Variants in ACVR1C observed in about 807,000 individuals in gnomAD.
ACVR1C encodes the protein activin receptor type-1C.
A neutral mutation model predicts 57.9 loss-of-function variants in ACVR1C; 23 were observed. The ratio of observed to expected loss-of-function variants is 0.40; its 90% CI spans 0.29 to 0.56. The LOEUF (loss-of-function observed/expected upper bound fraction) is 0.56. Among genes scored for constraint, ACVR1C ranks in the 20% least tolerant of loss-of-function variants. ACVR1C has a pLI of 0.50. For synonymous variants in ACVR1C, 214 were observed against 215.3 expected (o/e 0.99, Z 0.05); for missense variants, 480 against 607.9 (o/e 0.79, Z 2.21).
At chr2:157,615,216 C>A (rs565289703) in intron 1 of ACVR1C, among the ~76,000 whole-genome samples, 42 of 151,108 alleles carry the variant, frequency 2.8e-4, no homozygotes, top group African/African-American at 1.0e-3. Context: ...CCTATAATAC[C>A]AGCACTATGG....
At position 157,562,341 on chromosome 2, in the gene ACVR1C, T is replaced by C. The variant is rs1418249352; in HGVS notation, c.305-6009A>G. Among the ~76,000 whole-genome samples the C allele has an allele frequency of 2.7e-5, 4 of 146,398 alleles. No homozygotes were observed. In the Admixed American group the frequency reaches 2.7e-4, roughly 10 times the overall value. ...ATATAAAATATATACATATATTATA[T>C]GGAAAACTTTAAGATTGGGTGAGGA... On this transcript the variant is annotated intron_variant, in intron 2 of 8. Transcript: ENST00000243349.
intron 1 of ACVR1C, among the ~76,000 whole-genome samples, chr2:157,626,770 G>A (rs1682904844): frequency 6.6e-6 from 1 of 152,172 alleles, no homozygotes; most frequent in South Asian, 2.1e-4. Flanking sequence ...GTTAACGTGG[G>A]ACACAGAGGG....
chr2:157,528,855 A>T lies in ACVR1C; in HGVS notation c.*5063T>A, dbSNP rs372952160. 1 of 152,304 alleles carries T rather than the reference A, an allele frequency of 6.6e-6. No individual in the cohort carries two copies. The highest frequency in any genetic ancestry group is 1.9e-4 in the East Asian group (1 of 5,190). 9.4% of individuals were successfully genotyped at this position (152,304 alleles called of 1,614,324 possible). ...AATACTCTATAGTGCCAAATGAAGG[A>T]TTACTGGAGAAGTTATGAGGTGAAA... is the stretch of plus-strand genomic sequence containing the variant. On this transcript the variant is annotated 3_prime_UTR_variant, in exon 9 of 9. Transcript: ENST00000243349.
intron 8 of ACVR1C, among the ~76,000 whole-genome samples, chr2:157,536,785 T>C (rs1687497556): frequency 6.6e-6 from 1 of 152,118 alleles, no homozygotes; most frequent in Non-Finnish European, 1.5e-5. Flanking sequence ...GAGGCCAATA[T>C]CTATTCCATG....
intron 2 of ACVR1C, among the ~76,000 whole-genome samples, chr2:157,582,093 A>T (rs370543078): frequency 6.6e-6 from 1 of 152,184 alleles, no homozygotes; most frequent in Non-Finnish European, 1.5e-5. Flanking sequence ...TGAAGCAGGA[A>T]GACTGCTTAA....
At chr2:157,598,763 TC>T (rs1682202284) in intron 1 of ACVR1C, among the ~76,000 whole-genome samples, 1 of 152,026 alleles carries the variant, frequency 6.6e-6, no homozygotes, top group African/African-American at 2.4e-5. Context: ...GGTCTTGAAC[TC>T]CTGACCTCAA....
At position 157,551,304 on chromosome 2, in the gene ACVR1C, T is replaced by C. The variant is rs1215356863; in HGVS notation, c.545-912A>G. 6.6e-5 allele frequency among the ~76,000 whole-genome samples: 10 copies of C among 152,176 alleles called. 1 individual carries two copies. The highest frequency in any genetic ancestry group is 5.2e-4 in the Admixed American group (8 of 15,276). ...CATCTCGCAGAGATGATATGAGAATTAATAAGCATGTTCAGCACCTAGCAC... is the reference window on the plus strand; with the variant it reads ...CATCTCGCAGAGATGATATGAGAATCAATAAGCATGTTCAGCACCTAGCAC... On this transcript the variant is annotated intron_variant, in intron 3 of 8. Coordinates refer to ENST00000243349, the MANE Select transcript of ACVR1C (RefSeq NM_145259.3).
intron 1 of ACVR1C, among the ~76,000 whole-genome samples, chr2:157,623,460 T>A (rs537474675): frequency 3.5e-4 from 53 of 152,088 alleles, no homozygotes; most frequent in African/African-American, 1.3e-3. Context: ...TGCAACAACA[T>A]GGATGGAAGT....
Position 157,628,576 on chromosome 2 carries a change from C to A in ACVR1C, c.69G>T (p.Ser23=), listed in dbSNP as rs1056883913. The change falls in exon 1 of 9, where the codon TCG becomes TCT. Residue 23 remains serine, a synonymous_variant. Transcript: ENST00000243349. ...LLLLAAAAEL[S]PGLKCVCLLC... ...GGAGAGAAACCAGCACCGTACCTGGCGAGAGCTCGGCGGCCGCTGCGAGCA... is the reference window on the plus strand; with the variant it reads ...GGAGAGAAACCAGCACCGTACCTGGAGAGAGCTCGGCGGCCGCTGCGAGCA... 1 of 1,607,474 alleles carries A rather than the reference C, an allele frequency of 6.2e-7. No homozygotes were observed. The highest frequency in any genetic ancestry group is 1.7e-5 in the Admixed American group (1 of 59,716).
chr2:157,536,124 C>A (rs1185839236), intron 8 of ACVR1C, among the ~76,000 whole-genome samples: 1 of 152,136 alleles, frequency 6.6e-6, no homozygotes, highest in South Asian at 2.1e-4. Flanking sequence ...GAGATACATA[C>A]CATAATGACA....
intron 1 of ACVR1C, among the ~76,000 whole-genome samples, chr2:157,628,006 T>C (rs1559001933): frequency 6.6e-6 from 1 of 152,226 alleles, no homozygotes; most frequent in East Asian, 1.9e-4. Context: ...TCGAAAGCAA[T>C]GTGCGTTGCA....
At chr2:157,581,274 C>T (rs1373065649) in intron 2 of ACVR1C, among the ~76,000 whole-genome samples, 1 of 151,812 alleles carries the variant, frequency 6.6e-6, no homozygotes, top group East Asian at 1.9e-4. Flanking sequence ...GAATCAAAAA[C>T]AGCAGAACCA....
chr2:157,547,787 T>C (rs1339606941), intron 4 of ACVR1C, among the ~76,000 whole-genome samples: 1 of 151,656 alleles, frequency 6.6e-6, no homozygotes, highest in Non-Finnish European at 1.5e-5. Context: ...ACTCTGATGG[T>C]AGTTTCTTTT....
chr2:157,625,660 C>T (rs1203498478), intron 1 of ACVR1C, among the ~76,000 whole-genome samples: 1 of 152,062 alleles, frequency 6.6e-6, no homozygotes, highest in African/African-American at 2.4e-5. Flanking sequence ...CCCCCACTCT[C>T]ACCCTGGTTA....
rs946250826 is a variant in ACVR1C, at chr2:157,555,956, G to A, written c.544+137C>T. On this transcript the variant is annotated intron_variant, in intron 3 of 8. Coordinates refer to ENST00000243349, the MANE Select transcript of ACVR1C (RefSeq NM_145259.3). The stretch of plus-strand genomic sequence containing the variant: ...TTCTCTTCCTCAGGTACTAAAAGGA[G>A]TTCCTATACCAGAGCTCACCATGTA... The A allele has an allele frequency of 7.8e-6, 8 of 1,028,602 alleles. No individual in the cohort carries two copies. The African/African-American group carries it at 1.3e-4, about 17-fold the overall frequency. The allele number at this position is 1,028,602 out of a possible 1,614,324, so 63.7% of individuals were successfully genotyped here.
At chr2:157,590,605 A>G (rs1341870069) in intron 1 of ACVR1C, among the ~76,000 whole-genome samples, 1 of 151,980 alleles carries the variant, frequency 6.6e-6, no homozygotes, top group Non-Finnish European at 1.5e-5. Flanking sequence ...TCACTTTCCT[A>G]TTTATTCTAG....
intron 1 of ACVR1C, among the ~76,000 whole-genome samples, chr2:157,593,171 C>A (rs539577629): frequency 1.3e-5 from 2 of 152,098 alleles, no homozygotes; most frequent in Non-Finnish European, 2.9e-5. Context: ...AAATATTCAT[C>A]CATATTTACA....
chr2:157,539,116 T>C (rs1687560132), intron 7 of ACVR1C, among the ~76,000 whole-genome samples: 1 of 152,018 alleles, frequency 6.6e-6, no homozygotes, highest in South Asian at 2.1e-4. Flanking sequence ...CTTCTGATTA[T>C]GAAATTTGTA....
intron 1 of ACVR1C, among the ~76,000 whole-genome samples, chr2:157,589,525 T>C (rs951230487): frequency 4.0e-5 from 6 of 151,614 alleles, no homozygotes; most frequent in Non-Finnish European, 7.4e-5. Flanking sequence ...TGTGCAGAGA[T>C]ATAGATGACA....
Sources: allele counts gnomAD v4.1 joint callset (sites outside exome capture counted in the v4.1 genomes callset), GRCh38; gene constraint gnomAD v4.1.1; transcripts MANE v1.5; gene names NCBI Gene and HGNC (gene_info 2026-07-23, HGNC 2026-07-21).